NDUFAF2: variants seen among roughly 807,000 people sequenced by gnomAD.
NDUFAF2 encodes NADH dehydrogenase [ubiquinone] 1 alpha subcomplex assembly factor 2.
A neutral mutation model predicts 22.8 loss-of-function variants in NDUFAF2; 13 were observed. That is an observed-to-expected ratio of 0.57 (90% CI 0.37 to 0.91). The LOEUF is 0.91. NDUFAF2 is among the 40% of genes least tolerant of loss of function. The pLI, the probability that NDUFAF2 is intolerant of heterozygous loss-of-function variation, is 0.01. For missense variants in NDUFAF2, 162 were observed against 195.2 expected, an observed-to-expected ratio of 0.83 and a Z score of 1.01; for synonymous variants, 53 against 64.2, an observed-to-expected ratio of 0.83 and a Z score of 0.84.
In NDUFAF2 at chr5:61,112,338, C is replaced by T. The variant is rs532405514; in HGVS notation, c.258+13306C>T. ...AAGCAATTCTCCTGCCTCAGCCTCT[C>T]GAGTAGCTGGGATTGCAGGCATGCA... On this transcript the variant is annotated intron_variant, in intron 3 of 3. Transcript: ENST00000296597. Among the ~76,000 whole-genome samples the T allele has an allele frequency of 6.1e-4, 93 of 151,656 alleles. 1 individual carries two copies. Among genetic ancestry groups the T allele is most frequent in the African/African-American group, 8.5e-4 (35 of 41,348 alleles).
chr5:60,983,117 T>C (rs1028529114), intron 1 of NDUFAF2, among the ~76,000 whole-genome samples: 1 of 151,278 alleles, frequency 6.6e-6, no homozygotes, highest in East Asian at 1.9e-4. Context: ...TGGTATCTCA[T>C]TGTGGTTTTG....
chr5:60,994,565 A>T (rs997268847), intron 1 of NDUFAF2, among the ~76,000 whole-genome samples: 1 of 152,172 alleles, frequency 6.6e-6, no homozygotes, highest in Non-Finnish European at 1.5e-5. Context: ...CGCTGCTACC[A>T]TTAATATTGG....
intron 1 of NDUFAF2, 33 bp downstream of exon 1, chr5:60,945,415 T>G (rs1750422395): frequency 5.6e-6 from 9 of 1,614,080 alleles, no homozygotes; most frequent in East Asian, 4.5e-5. Context: ...GATTGCGTGG[T>G]CAGTGATTGC....
intron 1 of NDUFAF2, among the ~76,000 whole-genome samples, chr5:60,976,830 G>A (rs1038599307): frequency 2.0e-5 from 3 of 152,012 alleles, no homozygotes; most frequent in African/African-American, 7.2e-5. Context: ...ATGCCTATGT[G>A]GTATTTAGGG....
chr5:61,150,419 A>G (rs1579855955), intron 3 of NDUFAF2, among the ~76,000 whole-genome samples: 1 of 152,180 alleles, frequency 6.6e-6, no homozygotes, highest in Admixed American at 6.5e-5. Flanking sequence ...AACCATCTTC[A>G]TATATAAAAA....
intron 1 of NDUFAF2, among the ~76,000 whole-genome samples, chr5:61,056,620 G>A (rs1752094524): frequency 6.6e-6 from 1 of 151,782 alleles, no homozygotes. Flanking sequence ...GGGCACGGTG[G>A]CCCACACCTG....
At chr5:61,034,031 T>C (rs183133548) in intron 1 of NDUFAF2, among the ~76,000 whole-genome samples, 1 of 152,178 alleles carries the variant, frequency 6.6e-6, no homozygotes, top group Non-Finnish European at 1.5e-5. Flanking sequence ...GAAATCAGTA[T>C]GTAATTTGTG....
At chr5:61,148,767 G>C (rs1420238131) in intron 3 of NDUFAF2, among the ~76,000 whole-genome samples, 1 of 152,160 alleles carries the variant, frequency 6.6e-6, no homozygotes, top group Non-Finnish European at 1.5e-5. Context: ...AATGTGAAGA[G>C]TATACATATG....
At chr5:61,045,093 T>C (rs1751932303) in intron 1 of NDUFAF2, among the ~76,000 whole-genome samples, 5 of 141,418 alleles carry the variant, frequency 3.5e-5, no homozygotes, top group African/African-American at 1.0e-4. Flanking sequence ...TAAAATAAAA[T>C]AAAGTTTTAT....
intron 3 of NDUFAF2, among the ~76,000 whole-genome samples, chr5:61,106,253 A>T (rs1160313030): frequency 1.3e-5 from 2 of 151,454 alleles, no homozygotes; most frequent in African/African-American, 4.9e-5. Context: ...AAAGGGGAAA[A>T]GGGACCTTTC....
chr5:61,103,528 A>G (rs1270158621), intron 3 of NDUFAF2, among the ~76,000 whole-genome samples: 1 of 152,042 alleles, frequency 6.6e-6, no homozygotes, highest in African/African-American at 2.4e-5. Flanking sequence ...ATTTCTAACT[A>G]TTAGCTGTTT....
intron 1 of NDUFAF2, among the ~76,000 whole-genome samples, chr5:61,040,261 C>CACACACAA (rs1751854990): frequency 8.8e-6 from 1 of 114,040 alleles, no homozygotes; most frequent in Admixed American, 8.3e-5. Context: ...GACACACACA[C>CACACACAA]ACACACACAC....
intron 3 of NDUFAF2, chr5:61,114,579 T>A (rs1752887330): frequency 6.6e-6 from 1 of 152,226 alleles, no homozygotes; most frequent in African/African-American, 2.4e-5. Context: ...TCCTGGATGG[T>A]CTTGATGCTT....
chr5:60,969,735 C>T (rs561193964), intron 1 of NDUFAF2, among the ~76,000 whole-genome samples: 44 of 152,034 alleles, frequency 2.9e-4, no homozygotes, highest in African/African-American at 1.0e-3. Flanking sequence ...TTAATGTGAT[C>T]CCATTTATCC....
At chr5:61,096,188 A>G (rs1752637113) in intron 2 of NDUFAF2, among the ~76,000 whole-genome samples, 1 of 152,188 alleles carries the variant, frequency 6.6e-6, no homozygotes, top group Non-Finnish European at 1.5e-5. Context: ...CACCTCTTTT[A>G]TAGCATTTAA....
intron 1 of NDUFAF2, among the ~76,000 whole-genome samples, chr5:60,946,128 A>G (rs949012964): frequency 6.6e-6 from 1 of 152,148 alleles, no homozygotes; most frequent in African/African-American, 2.4e-5. Context: ...GTTGCTGTCC[A>G]TTGAAATCAC....
chr5:61,002,959 T>G (rs1020422261), intron 1 of NDUFAF2, among the ~76,000 whole-genome samples: 5 of 152,152 alleles, frequency 3.3e-5, no homozygotes, highest in Non-Finnish European at 2.9e-5. Context: ...GGATTCTTTT[T>G]TACAGCTCCT....
At chr5:61,140,914 C>T (rs1741042765) in intron 3 of NDUFAF2, among the ~76,000 whole-genome samples, 1 of 152,162 alleles carries the variant, frequency 6.6e-6, no homozygotes, top group Non-Finnish European at 1.5e-5. Context: ...CTCTAACCCT[C>T]CAGTCCACTC....
At chr5:60,991,727 A>G (rs909027033) in intron 1 of NDUFAF2, among the ~76,000 whole-genome samples, 2 of 152,002 alleles carry the variant, frequency 1.3e-5, no homozygotes, top group African/African-American at 4.8e-5. Flanking sequence ...TGACTTCCAA[A>G]TCTTGGCTAT....
Sources: allele counts gnomAD v4.1 joint callset (sites outside exome capture counted in the v4.1 genomes callset), GRCh38; gene constraint gnomAD v4.1.1; transcripts MANE v1.5; gene names NCBI Gene and HGNC (gene_info 2026-07-23, HGNC 2026-07-21).